Variants in RGSL1 observed in about 807,000 individuals in gnomAD.
RGSL1 encodes the protein regulator of G protein signaling like 1, also known as regulator of G protein signaling protein-like.
In RGSL1, 97 loss-of-function variants were observed where a neutral mutation model predicts 124.7. That is an observed-to-expected ratio of 0.78 (90% CI 0.66 to 0.92). RGSL1 has a LOEUF of 0.92. Among genes scored for constraint, RGSL1 ranks in the 40% least tolerant of loss-of-function variants. RGSL1 has a pLI of 0.00. For missense variants in RGSL1, 1,233 were observed against 1,288.4 expected, an observed-to-expected ratio of 0.96 and a Z score of 0.66; for synonymous variants, 424 against 438.1, an observed-to-expected ratio of 0.97 and a Z score of 0.40.
chr1:182,449,830 G>A (rs1167466500), upstream of RGSL1, among the ~76,000 whole-genome samples: 1 of 152,140 alleles, frequency 6.6e-6, no homozygotes, highest in Non-Finnish European at 1.5e-5. Context: ...CTTAGGAGCT[G>A]AGTTTAGCAA....
intron 11 of RGSL1, among the ~76,000 whole-genome samples, chr1:182,528,245 C>T (rs1658902032): frequency 6.6e-6 from 1 of 152,108 alleles, no homozygotes; most frequent in African/African-American, 2.4e-5. Flanking sequence ...CAATTATCTC[C>T]ACCTGGTCCT....
At chr1:182,493,818 C>T (rs1233768860) in intron 9 of RGSL1, among the ~76,000 whole-genome samples, 1 of 152,044 alleles carries the variant, frequency 6.6e-6, no homozygotes, top group East Asian at 1.9e-4. Context: ...GTGCTTTGGC[C>T]CTGAAGGGAG....
chr1:182,471,215 C>T, intron 4 of RGSL1: 1 of 455,194 alleles, frequency 2.2e-6, no homozygotes. Context: ...TGGCAGTGTG[C>T]AAGGCTGGGA....
At chr1:182,497,340 T>A (rs1251822484) in intron 9 of RGSL1, among the ~76,000 whole-genome samples, 3 of 147,008 alleles carry the variant, frequency 2.0e-5, no homozygotes, top group East Asian at 2.0e-4. Context: ...ATATATATAT[T>A]TTTATATCTC....
intron 9 of RGSL1, among the ~76,000 whole-genome samples, chr1:182,515,553 A>AAAGG (rs546420833): frequency 3.7e-5 from 4 of 109,024 alleles, no homozygotes; most frequent in African/African-American, 1.0e-4. Flanking sequence ...AAAAAAAAAA[A>AAAGG]GGGGGGGGCG....
chr1:182,454,021 A>G lies in RGSL1; in HGVS notation c.77A>G (p.Asn26Ser). ...GATGAAGTCTTTGCCGATTTTTTCAACACATTTCTTTCCCTCCCGGTAAGC... is the reference window on the plus strand; with the variant it reads ...GATGAAGTCTTTGCCGATTTTTTCAGCACATTTCTTTCCCTCCCGGTAAGC... ...LEDEVFADFF[N>S]TFLSLPVFGQ... The change falls in exon 2 of 22, where the codon AAC becomes AGC. Residue 26 changes from asparagine (N) to serine (S), a missense_variant. Transcript: ENST00000294854. 6.5e-7 allele frequency: 1 copy of G among 1,531,072 alleles called. No homozygotes were observed. Among genetic ancestry groups the G allele is most frequent in the Non-Finnish European group, 8.9e-7 (1 of 1,128,354 alleles). The allele number at this position is 1,531,072 out of a possible 1,614,324, so 94.8% of individuals were successfully genotyped here.
chr1:182,504,389 T>C (rs1432909157), intron 9 of RGSL1, among the ~76,000 whole-genome samples: 3 of 151,880 alleles, frequency 2.0e-5, no homozygotes, highest in Non-Finnish European at 4.4e-5. Context: ...TCTGAGACAA[T>C]TGATTTAAAG....
chr1:182,480,207 C>T (rs1019258310), intron 6 of RGSL1, among the ~76,000 whole-genome samples: 32 of 152,232 alleles, frequency 2.1e-4, no homozygotes, highest in African/African-American at 7.7e-4. Flanking sequence ...CCCAGGTGCA[C>T]ATGAATATTC....
chr1:182,525,380 G>A (rs2765274), intron 10 of RGSL1, among the ~76,000 whole-genome samples: 2 of 152,008 alleles, frequency 1.3e-5, no homozygotes, highest in Non-Finnish European at 2.9e-5. Context: ...AAAATCATGT[G>A]TAAAGAATTA....
At chr1:182,522,635 A>T (rs1325170303) in intron 10 of RGSL1, among the ~76,000 whole-genome samples, 3 of 152,100 alleles carry the variant, frequency 2.0e-5, no homozygotes, top group African/African-American at 7.2e-5. Context: ...AGGAGTGCCC[A>T]CCCACCTTTC....
intron 6 of RGSL1, among the ~76,000 whole-genome samples, chr1:182,485,206 C>T (rs1233152166): frequency 6.6e-6 from 1 of 152,132 alleles, no homozygotes; most frequent in Non-Finnish European, 1.5e-5. Context: ...AAGTTCCTCC[C>T]GGTCCCCAGC....
intron 8 of RGSL1, among the ~76,000 whole-genome samples, chr1:182,489,720 C>T (rs12749975): frequency 0.087 from 13,263 of 152,248 alleles, 785 homozygotes; most frequent in South Asian, 0.13. Flanking sequence ...GGGTTACACC[C>T]GTGCTCTCCT....
chr1:182,492,578 A>T (rs1655607441), intron 8 of RGSL1, among the ~76,000 whole-genome samples: 1 of 151,190 alleles, frequency 6.6e-6, no homozygotes, highest in Non-Finnish European at 1.5e-5. Flanking sequence ...GGGAACTTGT[A>T]TTATTTCTGT....
intron 10 of RGSL1, among the ~76,000 whole-genome samples, chr1:182,525,410 T>C (rs1658667007): frequency 1.3e-5 from 2 of 152,064 alleles, no homozygotes; most frequent in African/African-American, 2.4e-5. Context: ...ATGATGATAA[T>C]GATTAACCAA....
In RGSL1 at chr1:182,545,310, C is replaced by G. The variant is rs568267967; in HGVS notation, c.2670-3007C>G. On this transcript the variant is annotated intron_variant, in intron 15 of 21. Coordinates refer to ENST00000294854, the MANE Select transcript of RGSL1 (RefSeq NM_001137669.2). ...TGAATCTCTACACTTTCCATCCTCTCAATATTTGGACATTTTTTCTCAATT... is the reference window on the plus strand; with the variant it reads ...TGAATCTCTACACTTTCCATCCTCTGAATATTTGGACATTTTTTCTCAATT... Among the ~76,000 whole-genome samples the G allele has an allele frequency of 2.0e-5, 3 of 152,134 alleles. No homozygotes were observed. In the South Asian group the frequency reaches 6.2e-4, roughly 31 times the overall value.
At chr1:182,528,396 C>T (rs762406374) in intron 11 of RGSL1, among the ~76,000 whole-genome samples, 8 of 152,138 alleles carry the variant, frequency 5.3e-5, no homozygotes, top group Non-Finnish European at 7.3e-5. Context: ...TCCAACATTC[C>T]GCCAAAGTCT....
intron 15 of RGSL1, among the ~76,000 whole-genome samples, chr1:182,543,810 A>G (rs749423204): frequency 6.6e-6 from 1 of 151,894 alleles, no homozygotes; most frequent in Admixed American, 6.6e-5. Flanking sequence ...AGGATTTCCA[A>G]TTTGTTGGTG....
At chr1:182,517,881 G>C (rs1658017508) in intron 9 of RGSL1, among the ~76,000 whole-genome samples, 1 of 152,022 alleles carries the variant, frequency 6.6e-6, no homozygotes, top group South Asian at 2.1e-4. Flanking sequence ...GTTATTTTCA[G>C]GTTCCTTGTT....
intron 20 of RGSL1, 39 bp downstream of exon 20, chr1:182,554,732 C>T (rs371039079): frequency 6.5e-7 from 1 of 1,538,148 alleles, no homozygotes; most frequent in African/African-American, 1.4e-5. Flanking sequence ...CAGTCCAGAG[C>T]TGCTATGTCC....
Sources: gnomAD v4.1 joint callset for allele counts (sites outside exome capture counted in the v4.1 genomes callset) on GRCh38, gnomAD v4.1.1 for gene constraint, MANE v1.5 for transcripts, NCBI Gene and HGNC (gene_info 2026-07-23, HGNC 2026-07-21) for gene names.